NDST1: variants seen among roughly 807,000 people sequenced by gnomAD.
NDST1 encodes bifunctional heparan sulfate N-deacetylase/N-sulfotransferase 1.
Under a neutral mutation model 92.8 loss-of-function variants are expected in NDST1, and 35 were observed. The observed-to-expected ratio is 0.38, with a 90% CI of 0.29 to 0.50. NDST1 has a LOEUF of 0.50. Ranked by LOEUF, NDST1 falls within the 20% of genes least tolerant of loss-of-function variation. The pLI is 0.94. For missense variants in NDST1, 822 were observed against 1,182.7 expected (o/e 0.69, Z 4.47); for synonymous variants, 493 against 500.3 (o/e 0.99, Z 0.19).
intron 10 of NDST1, among the ~76,000 whole-genome samples, chr5:150,544,576 A>G (rs1022466309): frequency 6.6e-6 from 1 of 152,186 alleles, no homozygotes; most frequent in African/African-American, 2.4e-5. Flanking sequence ...CTCACAGGAT[A>G]GGATAGGGAC....
intron 4 of NDST1, among the ~76,000 whole-genome samples, chr5:150,533,273 G>A (rs1754829869): frequency 6.6e-6 from 1 of 152,194 alleles, no homozygotes; most frequent in South Asian, 2.1e-4. Context: ...TGTCCTTTCG[G>A]GCTGAGCTGG....
At chr5:150,544,991 A>AG (rs1489136894) in intron 10 of NDST1, among the ~76,000 whole-genome samples, 1 of 152,116 alleles carries the variant, frequency 6.6e-6, no homozygotes, top group African/African-American at 2.4e-5. Context: ...GGAGCAGCTG[A>AG]GGGGGCGGGA....
chr5:150,521,490 C>T lies in NDST1; in HGVS notation c.236C>T (p.Ser79Phe). ...AAGCCTGTGCAGGCAGCCACCCCTT[C>T]CCGCACAGACCCGTTGGTGCTGGTC... Reference protein sequence around the residue: ...PLKPVQAATPSRTDPLVLVFV... With the variant: ...PLKPVQAATPFRTDPLVLVFV... Residue 79 changes from serine (S) to phenylalanine (F), a missense_variant, in exon 2 of 15, where the codon TCC becomes TTC. Physicochemically the swap from Ser to Phe is radical, Grantham distance 155. Transcript: ENST00000261797. This position sits in a 1 kb window ranked among gnomAD's most constrained non-coding sequence, Gnocchi z 5.9. 2 of 1,614,030 alleles carry T rather than the reference C, an allele frequency of 1.2e-6. No individual in the cohort carries two copies. The highest frequency in any genetic ancestry group is 1.7e-6 in the Non-Finnish European group (2 of 1,180,028).
chr5:150,505,294 G>A (rs574737614), upstream of NDST1, among the ~76,000 whole-genome samples: 4 of 152,240 alleles, frequency 2.6e-5, no homozygotes, highest in African/African-American at 9.6e-5. Flanking sequence ...CATTAGCCCC[G>A]GCATTATATG....
chr5:150,514,823 T>C (rs1193967858), intron 1 of NDST1, among the ~76,000 whole-genome samples: 1 of 152,216 alleles, frequency 6.6e-6, no homozygotes, highest in African/African-American at 2.4e-5. Context: ...TAATAACAGC[T>C]GCTCATTCAT....
At chr5:150,512,257 G>C (rs1753762390) in intron 1 of NDST1, among the ~76,000 whole-genome samples, 1 of 152,284 alleles carries the variant, frequency 6.6e-6, no homozygotes, top group Admixed American at 6.5e-5. Flanking sequence ...TGTTGGGGGG[G>C]CAGGGAGCAG....
At chr5:150,552,683 T>G (rs1175719905) in intron 14 of NDST1, 1 of 199,642 alleles carries the variant, frequency 5.0e-6, no homozygotes, top group African/African-American at 2.4e-5. Flanking sequence ...TTTTGATTAT[T>G]AATTCTCTCT....
At chr5:150,552,113 T>C (rs149977374) in intron 14 of NDST1, among the ~76,000 whole-genome samples, 9 of 152,316 alleles carry the variant, frequency 5.9e-5, no homozygotes, top group South Asian at 4.1e-4. Flanking sequence ...ACATGTTCTC[T>C]GCCTTCAAGG....
intron 1 of NDST1, among the ~76,000 whole-genome samples, chr5:150,514,841 C>G (rs1581353164): frequency 6.6e-6 from 1 of 152,168 alleles, no homozygotes; most frequent in African/African-American, 2.4e-5. Context: ...CATTCATATC[C>G]TGAGTATTCA....
At chr5:150,506,221 G>A (rs1753448392), upstream of NDST1, among the ~76,000 whole-genome samples, 1 of 152,164 alleles carries the variant, frequency 6.6e-6, no homozygotes, top group South Asian at 2.1e-4. Flanking sequence ...GGTGATCCTC[G>A]CACCTCAGCC....
At chr5:150,547,307 G>A (rs930465542) in intron 11 of NDST1, among the ~76,000 whole-genome samples, 2 of 152,200 alleles carry the variant, frequency 1.3e-5, no homozygotes, top group Non-Finnish European at 1.5e-5. Flanking sequence ...AAGGGTGGGG[G>A]CCTGTCTCAG....
At chr5:150,514,801 G>A (rs117427664) in intron 1 of NDST1, among the ~76,000 whole-genome samples, 100 of 152,252 alleles carry the variant, frequency 6.6e-4, no homozygotes, top group East Asian at 4.1e-3. Context: ...CTCCTTATCT[G>A]TAAATTGGAA....
At chr5:150,528,863 G>A (rs1754591671) in intron 3 of NDST1, among the ~76,000 whole-genome samples, 1 of 152,194 alleles carries the variant, frequency 6.6e-6, no homozygotes, top group African/African-American at 2.4e-5. Context: ...CATCTGGAAT[G>A]TGGAGTTTAA....
At chr5:150,530,448 A>G (rs2151282094) in intron 3 of NDST1, among the ~76,000 whole-genome samples, 1 of 151,892 alleles carries the variant, frequency 6.6e-6, no homozygotes, top group African/African-American at 2.4e-5. Flanking sequence ...TGAGTTCTGG[A>G]GAGACTGTGG....
upstream of NDST1, among the ~76,000 whole-genome samples, chr5:150,505,607 G>C (rs113681861): frequency 0.063 from 9,573 of 152,188 alleles, 355 homozygotes; most frequent in East Asian, 0.13. Flanking sequence ...CGTGGTCACT[G>C]ACAACGTGGT....
chr5:150,501,128 G>A (rs1197265641), intron 1 of NDST1, among the ~76,000 whole-genome samples: 1 of 152,228 alleles, frequency 6.6e-6, no homozygotes, highest in African/African-American at 2.4e-5. Flanking sequence ...TATCTGATGG[G>A]ACAGCTGCCT....
rs984734785 is a variant in NDST1 at position 150,548,346 on chromosome 5, C to T, written c.2274C>T (p.Ala758=). 13 of 1,613,766 alleles carry T rather than the reference C, an allele frequency of 8.1e-6. No homozygotes were observed. The highest frequency in any genetic ancestry group is 1.0e-5 in the Non-Finnish European group (12 of 1,180,018). Residue 758 remains alanine, a synonymous_variant, in exon 12 of 15, where the codon GCC becomes GCT. Transcript: ENST00000261797. ...GCTGCCTGGTCCCTGGCTGGTACGC[C>T]ACCCACATCGAGCGCTGGCTCAGTG... ...QNRCLVPGWY[A]THIERWLSAY... is the part of the protein sequence containing the mutation.
At position 150,539,350 on chromosome 5, in the gene NDST1, C is replaced by T. The variant is rs777899988; in HGVS notation, c.1560C>T (p.Leu520=). ...NGGELFLTVL[L]NPISIFMTHL... Reference sequence around the variant, plus strand: ...GCGAGCTCTTCCTCACCGTGCTCCTCAATCCTGTGAGTGCTCCACAGCCCA... The same window carrying T: ...GCGAGCTCTTCCTCACCGTGCTCCTTAATCCTGTGAGTGCTCCACAGCCCA... Residue 520 remains leucine, a synonymous_variant, in exon 7 of 15, where the codon CTC becomes CTT. Transcript: ENST00000261797. The T allele has an allele frequency of 2.5e-6, 4 of 1,614,118 alleles. No individual in the cohort carries two copies. The East Asian group carries it at 8.9e-5, about 36-fold the overall frequency.
chr5:150,510,140 C>G (rs532667366), intron 1 of NDST1, among the ~76,000 whole-genome samples: 2 of 152,206 alleles, frequency 1.3e-5, no homozygotes, highest in Non-Finnish European at 2.9e-5. Flanking sequence ...CCTCTCTGAG[C>G]CTCCATTTCC....
Sources: gnomAD v4.1 joint callset for allele counts (sites outside exome capture counted in the v4.1 genomes callset) on GRCh38, gnomAD v4.1.1 for gene constraint, Gnocchi (gnomAD v3.1) non-coding constraint, MANE v1.5 for transcripts, NCBI Gene and HGNC (gene_info 2026-07-23, HGNC 2026-07-21) for gene names.